The following METAP1D variants were observed in gnomAD, a reference collection of about 807,000 sequenced individuals.
The protein encoded by METAP1D is methionine aminopeptidase 1D, mitochondrial.
A neutral mutation model predicts 40.5 loss-of-function variants in METAP1D; 31 were observed. The ratio of observed to expected loss-of-function variants is 0.77; its 90% CI spans 0.58 to 1.03. METAP1D has a LOEUF of 1.03. Among genes scored for constraint, METAP1D ranks in the 50% least tolerant of loss-of-function variants. METAP1D has a pLI of 0.00. For synonymous variants in METAP1D, 151 were observed against 146.4 expected (o/e 1.03, Z -0.22); for missense variants, 411 against 420.7 (o/e 0.98, Z 0.20).
At chr2:172,061,970 G>GA (rs11324116) in intron 2 of METAP1D, 4 of 168,476 alleles carry the variant, frequency 2.4e-5, no homozygotes, top group Admixed American at 6.4e-5. Flanking sequence ...CTGTTTTAGA[G>GA]AAAAAAAATT....
Position 172,033,271 on chromosome 2 carries a change from G to A in METAP1D, c.41-28227G>A, listed in dbSNP as rs550906674. On this transcript the variant is annotated intron_variant, in intron 1 of 9. Transcript: ENST00000315796. ...TAATTTACGAGAAAGAAAAAAGGGA[G>A]GAATTCATTAAAACTGGCATAAGAG... Among the ~76,000 whole-genome samples the A allele has an allele frequency of 4.2e-4, 63 of 151,730 alleles. No individual in the cohort carries two copies. The Middle Eastern group carries it at 0.01, about 25-fold the overall frequency.
chr2:172,080,399 A>T lies in METAP1D; in HGVS notation c.1001A>T (p.Glu334Val). ...CAGATCCTGACCAAACTACCCCATG[A>T]GGCCTGAGGAGCCGCCCGAAGGTCG... The part of the protein sequence containing the change: ...GAQILTKLPH[E>V]A The change falls in exon 10 of 10, where the codon GAG (glutamate) becomes GTG (valine). Residue 334 changes from glutamate (E) to valine (V), a missense_variant. Physicochemically the swap from Glu to Val is moderately radical, Grantham distance 121. Coordinates refer to ENST00000315796, the MANE Select transcript of METAP1D (RefSeq NM_199227.3). 6.2e-7 allele frequency: 1 copy of T among 1,614,006 alleles called. No individual in the cohort carries two copies. The highest frequency in any genetic ancestry group is 8.5e-7 in the Non-Finnish European group (1 of 1,179,892).
At chr2:172,009,971 C>T (rs565482821) in intron 1 of METAP1D, among the ~76,000 whole-genome samples, 17 of 152,104 alleles carry the variant, frequency 1.1e-4, no homozygotes, top group Non-Finnish European at 1.9e-4. Flanking sequence ...GAACAGAGAA[C>T]TTAGTAGGGA....
chr2:172,052,520 T>C (rs983872398), intron 1 of METAP1D, among the ~76,000 whole-genome samples: 4 of 152,244 alleles, frequency 2.6e-5, no homozygotes, highest in African/African-American at 9.6e-5. Flanking sequence ...GTATTTTATT[T>C]GGCAGCCAGA....
chr2:172,046,036 G>T (rs1689758086), intron 1 of METAP1D, among the ~76,000 whole-genome samples: 2 of 142,766 alleles, frequency 1.4e-5, no homozygotes, highest in African/African-American at 2.6e-5. Flanking sequence ...AGATTGCCAT[G>T]TAATGCTTTT....
chr2:172,078,733 T>A (rs566842138), intron 7 of METAP1D, among the ~76,000 whole-genome samples: 1 of 152,328 alleles, frequency 6.6e-6, no homozygotes, highest in East Asian at 1.9e-4. Flanking sequence ...GTCAGCCTTG[T>A]GCCCTACCTG....
rs552461799 is a variant in METAP1D at position 172,005,976 on chromosome 2, T to TAA, written c.40+5975_40+5976dup. ...TCAGTGATGAATGCTTTGCAGTCAT[T>TAA]AAAAAAAAATATATTGACCTGCATT... On this transcript the variant is annotated intron_variant, in intron 1 of 9. Transcript: ENST00000315796. Among the ~76,000 whole-genome samples, 328 of 150,392 alleles carry TAA rather than the reference T, an allele frequency of 2.2e-3. 2 individuals are homozygous for TAA. Among genetic ancestry groups the TAA allele is most frequent in the African/African-American group, 7.1e-3 (293 of 41,218 alleles).
intron 1 of METAP1D, among the ~76,000 whole-genome samples, chr2:172,054,140 C>T (rs1689946838): frequency 6.6e-6 from 1 of 152,122 alleles, no homozygotes; most frequent in African/African-American, 2.4e-5. Flanking sequence ...GTATAGGATG[C>T]ATGAGCAGAT....
At chr2:172,058,369 A>G (rs1690048453) in intron 1 of METAP1D, among the ~76,000 whole-genome samples, 1 of 152,238 alleles carries the variant, frequency 6.6e-6, no homozygotes, top group African/African-American at 2.4e-5. Flanking sequence ...CACACAGCTA[A>G]TAAGTGGTAG....
intron 5 of METAP1D, 65 bp from the exon 6 acceptor site, chr2:172,070,842 A>G (rs1004363721): frequency 1.5e-6 from 2 of 1,349,070 alleles, no homozygotes; most frequent in African/African-American, 2.9e-5. Flanking sequence ...AATGAATACA[A>G]TGTATACTTT....
At chr2:172,025,172 C>T (rs534528960) in intron 1 of METAP1D, among the ~76,000 whole-genome samples, 1 of 152,242 alleles carries the variant, frequency 6.6e-6, no homozygotes, top group East Asian at 1.9e-4. Flanking sequence ...TTTTCTCAAT[C>T]AATTGTTCTA....
At chr2:172,064,177 C>T (rs1690198067) in intron 3 of METAP1D, 1 of 210,188 alleles carries the variant, frequency 4.8e-6, no homozygotes, top group Admixed American at 5.9e-5. Context: ...TGCCCCCCTA[C>T]TCCTGCCTGT....
intron 1 of METAP1D, among the ~76,000 whole-genome samples, chr2:172,018,513 C>T (rs1688932012): frequency 6.6e-6 from 1 of 152,164 alleles, no homozygotes; most frequent in Non-Finnish European, 1.5e-5. Flanking sequence ...GAACTGCTAA[C>T]CTCCAGATCT....
chr2:172,063,498 A>G (rs1334522360), intron 2 of METAP1D, among the ~76,000 whole-genome samples: 1 of 152,166 alleles, frequency 6.6e-6, no homozygotes, highest in Non-Finnish European at 1.5e-5. Flanking sequence ...AGGTTAACAG[A>G]CCATCCAGAG....
chr2:172,001,566 A>T, intron 1 of METAP1D, among the ~76,000 whole-genome samples: 1 of 152,104 alleles, frequency 6.6e-6, no homozygotes, highest in East Asian at 1.9e-4. Flanking sequence ...AAAATAATAA[A>T]AAATAAGAAG....
rs544939235 is a variant in METAP1D at position 172,037,177 on chromosome 2, G to A, written c.41-24321G>A. On this transcript the variant is annotated intron_variant, in intron 1 of 9. Transcript: ENST00000315796. The stretch of plus-strand genomic sequence containing the variant: ...CTTGGGAGGCTGAGACAGGAGAATC[G>A]CTTGAACCCGGGAGGCGGAGGTTGC... Among the ~76,000 whole-genome samples, 13 of 152,100 alleles carry A rather than the reference G, an allele frequency of 8.5e-5. No homozygotes were observed. The East Asian group carries it at 1.2e-3, about 14-fold the overall frequency.
intron 1 of METAP1D, among the ~76,000 whole-genome samples, chr2:172,017,279 A>T (rs1688892154): frequency 6.7e-6 from 1 of 148,298 alleles, no homozygotes. Context: ...CACACATTTT[A>T]TATATATACA....
rs1027820292 is a variant in METAP1D at position 172,081,794 on chromosome 2, G to T, written c.*1388G>T. 1 of 152,246 alleles carries T rather than the reference G, an allele frequency of 6.6e-6. No individual in the cohort carries two copies. Among genetic ancestry groups the T allele is most frequent in the African/African-American group, 2.4e-5 (1 of 41,442 alleles). The allele number at this position is 152,246 out of a possible 1,614,324, so 9.4% of individuals were successfully genotyped here. On this transcript the variant is annotated 3_prime_UTR_variant, in exon 10 of 10. Coordinates refer to ENST00000315796, the MANE Select transcript of METAP1D (RefSeq NM_199227.3). Reference sequence around the variant, plus strand: ...GGCTTTCGGAAGCGGCAAGGAAATGGCACCTGTAGTTGCCAGGACAGGTGG... The same window carrying T: ...GGCTTTCGGAAGCGGCAAGGAAATGTCACCTGTAGTTGCCAGGACAGGTGG...
chr2:172,023,886 GCT>G (rs1689060758), intron 1 of METAP1D, among the ~76,000 whole-genome samples: 1 of 134,746 alleles, frequency 7.4e-6, no homozygotes, highest in East Asian at 2.1e-4. Flanking sequence ...ACAGAGTCTT[GCT>G]CTGTCACCCA....
Sources: allele counts gnomAD v4.1 joint callset (sites outside exome capture counted in the v4.1 genomes callset), GRCh38; gene constraint gnomAD v4.1.1; transcripts MANE v1.5; gene names NCBI Gene and HGNC (gene_info 2026-07-23, HGNC 2026-07-21).